Variants in TLN2 observed in about 807,000 individuals in gnomAD.
TLN2 encodes the protein talin 2, also known as talin-2.
Under a neutral mutation model 294.7 loss-of-function variants are expected in TLN2, and 118 were observed. The ratio of observed to expected loss-of-function variants is 0.40; its 90% CI spans 0.34 to 0.47. The LOEUF (loss-of-function observed/expected upper bound fraction) is 0.47, where lower values mean the gene tolerates loss of function less well. Among genes scored for constraint, TLN2 ranks in the 20% least tolerant of loss-of-function variants. The pLI, the probability that TLN2 is intolerant of heterozygous loss-of-function variation, is 0.84. For missense variants in TLN2, 3,083 were observed against 3,282.2 expected, an observed-to-expected ratio of 0.94 and a Z score of 1.48; for synonymous variants, 1,431 against 1,304.5, an observed-to-expected ratio of 1.10 and a Z score of -2.09.
chr15:62,685,467 CATTT>C (rs573539244), intron 11 of TLN2, among the ~76,000 whole-genome samples: 1 of 152,142 alleles, frequency 6.6e-6, no homozygotes, highest in African/African-American at 2.4e-5. Context: ...TCTTTACACA[CATTT>C]ATAACTTTTT....
At chr15:62,430,723 A>T (rs889661079) in intron 1 of TLN2, among the ~76,000 whole-genome samples, 2 of 152,162 alleles carry the variant, frequency 1.3e-5, no homozygotes, top group Non-Finnish European at 2.9e-5. Context: ...TCATGAGTAA[A>T]GTATAAGTCA....
At chr15:62,426,794 A>G (rs558207272) in intron 1 of TLN2, among the ~76,000 whole-genome samples, 20 of 152,230 alleles carry the variant, frequency 1.3e-4, no homozygotes, top group African/African-American at 4.8e-4. Context: ...AGTTGACCAC[A>G]GTGGCTGCTC....
intron 37 of TLN2, among the ~76,000 whole-genome samples, chr15:62,760,206 G>T (rs543883565): frequency 6.6e-6 from 1 of 152,310 alleles, no homozygotes; most frequent in Non-Finnish European, 1.5e-5. Flanking sequence ...GGCAAGCCAG[G>T]TACTATATTA....
intron 2 of TLN2, among the ~76,000 whole-genome samples, chr15:62,606,248 A>T (rs1415751909): frequency 7.3e-6 from 1 of 136,764 alleles, no homozygotes. Flanking sequence ...TGCTTGGCTA[A>T]TTTTTTTTTT....
At chr15:62,481,636 C>G (rs117777776) in intron 1 of TLN2, among the ~76,000 whole-genome samples, 3,014 of 152,246 alleles carry the variant, frequency 0.02, 35 homozygotes, top group Non-Finnish European at 0.027. Flanking sequence ...GCTGGGATTA[C>G]AGGCGTGAGC....
intron 33 of TLN2, among the ~76,000 whole-genome samples, chr15:62,749,857 T>C (rs1374751169): frequency 6.6e-6 from 1 of 152,226 alleles, no homozygotes; most frequent in Non-Finnish European, 1.5e-5. Flanking sequence ...GATGAGGACC[T>C]AAACAACAAG....
intron 1 of TLN2, among the ~76,000 whole-genome samples, chr15:62,532,252 TTTTG>T (rs1170259962): frequency 6.6e-6 from 1 of 151,838 alleles, no homozygotes; most frequent in Admixed American, 6.6e-5. Context: ...TTCTTGGTTT[TTTTG>T]TTTGTTCTGT....
intron 46 of TLN2, among the ~76,000 whole-genome samples, chr15:62,793,995 T>G (rs965683644): frequency 2.0e-5 from 3 of 151,716 alleles, no homozygotes; most frequent in Non-Finnish European, 4.4e-5. Flanking sequence ...GACGAGGAAA[T>G]AAATCTCTCA....
chr15:62,638,688 T>C, intron 3 of TLN2: 1 of 452,306 alleles, frequency 2.2e-6, no homozygotes, highest in Non-Finnish European at 4.4e-6. Context: ...GGCACTCTCT[T>C]TGGTTCTTGG....
At chr15:62,626,967 G>A (rs999299940) in intron 3 of TLN2, among the ~76,000 whole-genome samples, 1 of 152,208 alleles carries the variant, frequency 6.6e-6, no homozygotes, top group African/African-American at 2.4e-5. Context: ...CAGATATCCA[G>A]TTACATTAAC....
chr15:62,743,997 C>G lies in TLN2; in HGVS notation c.4025+3228C>G, dbSNP rs542665898. Among the ~76,000 whole-genome samples, 10 of 152,264 alleles carry G rather than the reference C, an allele frequency of 6.6e-5. No homozygotes were observed. In the South Asian group the frequency reaches 2.1e-3, roughly 32 times the overall value. On this transcript the variant is annotated intron_variant, in intron 32 of 58. Coordinates refer to ENST00000636159, the MANE Select transcript of TLN2 (RefSeq NM_015059.3). ...CTGTGAAGATGGATGGTCTAGCAAGCAGCACAAACGAGAAGAGTGCATTTG... is the reference window on the plus strand; with the variant it reads ...CTGTGAAGATGGATGGTCTAGCAAGGAGCACAAACGAGAAGAGTGCATTTG...
intron 54 of TLN2, among the ~76,000 whole-genome samples, chr15:62,825,839 A>ATAT (rs1348581701): frequency 4.7e-4 from 43 of 92,056 alleles, no homozygotes; most frequent in Non-Finnish European, 7.0e-4. Context: ...AATATATAAT[A>ATAT]TATATAAATA....
intron 37 of TLN2, among the ~76,000 whole-genome samples, chr15:62,756,702 G>A (rs1438286385): frequency 6.6e-6 from 1 of 152,114 alleles, no homozygotes; most frequent in Non-Finnish European, 1.5e-5. Context: ...CTCTCCAGAG[G>A]ATAGGACACT....
chr15:62,690,623 G>C (rs1355348429), intron 12 of TLN2, among the ~76,000 whole-genome samples: 4 of 148,720 alleles, frequency 2.7e-5, no homozygotes, highest in Non-Finnish European at 4.4e-5. Flanking sequence ...CGGCCGGGCA[G>C]AGGCTGCAAT....
At chr15:62,665,311 A>G (rs1358111144) in intron 9 of TLN2, among the ~76,000 whole-genome samples, 1 of 152,016 alleles carries the variant, frequency 6.6e-6, no homozygotes, top group African/African-American at 2.4e-5. Flanking sequence ...CAGCCTCCCA[A>G]AGTGCTGGGA....
chr15:62,516,173 G>A lies in TLN2; in HGVS notation c.-237-73514G>A, dbSNP rs567044372. On this transcript the variant is annotated intron_variant, in intron 1 of 58. Coordinates refer to ENST00000636159, the MANE Select transcript of TLN2 (RefSeq NM_015059.3). ...GACCATGTCTTTTGCTGCCGTTTCCGTTGCAGCTTATATGAAATTATTATT... is the reference window on the plus strand; with the variant it reads ...GACCATGTCTTTTGCTGCCGTTTCCATTGCAGCTTATATGAAATTATTATT... Among the ~76,000 whole-genome samples the A allele has an allele frequency of 9.8e-4, 149 of 152,258 alleles. 1 individual carries two copies. The highest frequency in any genetic ancestry group is 3.4e-3 in the Middle Eastern group (1 of 294).
intron 3 of TLN2, chr15:62,645,223 T>C (rs1327011631): frequency 6.5e-6 from 1 of 153,054 alleles, no homozygotes; most frequent in Non-Finnish European, 1.5e-5. Context: ...CTTTTACATA[T>C]GGCTTTAAAA....
intron 1 of TLN2, among the ~76,000 whole-genome samples, chr15:62,570,782 C>G (rs539075228): frequency 6.6e-6 from 1 of 152,224 alleles, no homozygotes; most frequent in African/African-American, 2.4e-5. Flanking sequence ...CCAGACAACA[C>G]TGAATGTCTC....
intron 11 of TLN2, among the ~76,000 whole-genome samples, chr15:62,677,667 C>G (rs925315251): frequency 6.6e-6 from 1 of 151,796 alleles, no homozygotes; most frequent in African/African-American, 2.4e-5. Context: ...ACATGGTAGA[C>G]TTTTTTTTCC....
Sources: gnomAD v4.1 joint callset for allele counts (sites outside exome capture counted in the v4.1 genomes callset) on GRCh38, gnomAD v4.1.1 for gene constraint, MANE v1.5 for transcripts, NCBI Gene and HGNC (gene_info 2026-07-23, HGNC 2026-07-21) for gene names.